MGA: variants seen among roughly 807,000 people sequenced by gnomAD.
MGA encodes MAX gene-associated protein.
In MGA, 40 loss-of-function variants were observed where a neutral mutation model predicts 261.1. That is an observed-to-expected ratio of 0.15 (90% CI 0.12 to 0.20). The LOEUF is 0.20. MGA is among the 10% of genes least tolerant of loss of function. The pLI is 1.00. For synonymous variants in MGA, 1,302 were observed against 1,290.6 expected, an observed-to-expected ratio of 1.01 and a Z score of -0.19; for missense variants, 3,397 against 3,630.5, an observed-to-expected ratio of 0.94 and a Z score of 1.65.
intron 17 of MGA, among the ~76,000 whole-genome samples, chr15:41,753,801 TAAGA>T (rs1414207664): frequency 6.6e-6 from 1 of 152,260 alleles, no homozygotes; most frequent in African/African-American, 2.4e-5. Context: ...TATTTAATCT[TAAGA>T]TTTATGAAAC....
At chr15:41,657,147 T>C (rs980515541), upstream of MGA, among the ~76,000 whole-genome samples, 4 of 152,156 alleles carry the variant, frequency 2.6e-5, no homozygotes, top group African/African-American at 9.7e-5. Flanking sequence ...CTTGCCATTT[T>C]TAATTCCTTA....
chr15:41,760,971 A>G (rs559403586), intron 20 of MGA, among the ~76,000 whole-genome samples: 28 of 152,318 alleles, frequency 1.8e-4, no homozygotes, highest in Admixed American at 1.4e-3. Context: ...GGGTTTCTCT[A>G]TGTTGGTCAG....
intron 20 of MGA, among the ~76,000 whole-genome samples, chr15:41,761,466 TTTG>T (rs1299284585): frequency 6.6e-5 from 10 of 152,194 alleles, no homozygotes; most frequent in Admixed American, 5.9e-4. Flanking sequence ...GCACAGGTGT[TTTG>T]TATCTCCTCG....
chr15:41,729,464 A>G (rs2061400354), intron 11 of MGA, 115 bp downstream of exon 11: 5 of 960,110 alleles, frequency 5.2e-6, no homozygotes, highest in Non-Finnish European at 7.7e-6. Flanking sequence ...GTCATACATG[A>G]CATGTATAAC....
chr15:41,634,606 C>G (rs1262805222), intron 1 of MGA, among the ~76,000 whole-genome samples: 2 of 152,174 alleles, frequency 1.3e-5, no homozygotes, highest in South Asian at 2.1e-4. Flanking sequence ...TTTCCTTCCC[C>G]TTACTGAGGT....
At chr15:41,751,457 C>T (rs1025944615) in intron 17 of MGA, 6 of 152,186 alleles carry the variant, frequency 3.9e-5, no homozygotes, top group African/African-American at 1.4e-4. Context: ...GGTGCGGTGG[C>T]TCACACCCAT....
intron 1 of MGA, among the ~76,000 whole-genome samples, chr15:41,621,895 G>C (rs781520873): frequency 6.6e-6 from 1 of 152,170 alleles, no homozygotes; most frequent in Admixed American, 6.6e-5. Context: ...GCGGCTTTTC[G>C]TGGCGTCCTG....
intron 13 of MGA, chr15:41,739,997 G>A (rs1414076101): frequency 6.2e-7 from 1 of 1,613,716 alleles, no homozygotes; most frequent in Admixed American, 1.7e-5. Context: ...TATATCACAG[G>A]CAGGTTGCGA....
At chr15:41,700,840 G>A (rs2059814752) in intron 5 of MGA, among the ~76,000 whole-genome samples, 1 of 152,080 alleles carries the variant, frequency 6.6e-6, no homozygotes. Context: ...TTTTCAGAAG[G>A]GTGTCTAGAC....
At chr15:41,746,477 G>A (rs988536387) in intron 15 of MGA, among the ~76,000 whole-genome samples, 8 of 150,448 alleles carry the variant, frequency 5.3e-5, no homozygotes, top group South Asian at 2.1e-4. Context: ...CCCGGGAGGC[G>A]GAGGTTTCAG....
In MGA at chr15:41,750,487, G is replaced by A. The variant is rs202145862; in HGVS notation, c.6880G>A (p.Ala2294Thr). ...AGAGAAGAAGGGTGGGAGAAGCAGT[G>A]CTGACTTCACTGTTTTGGATTTGGA... is the stretch of plus-strand genomic sequence containing the variant. The change falls in exon 17 of 24, where the codon GCT (alanine) becomes ACT (threonine). Residue 2294 changes from alanine (A) to threonine (T), a missense_variant. Physicochemically the swap from Ala to Thr is moderately conservative, Grantham distance 58. This residue lies in a region of MGA where 1,410 missense variants were observed against 1,386.4 expected (regional missense o/e 1.02). Transcript: ENST00000219905. 1 of 1,613,922 alleles carries A rather than the reference G, an allele frequency of 6.2e-7. No homozygotes were observed. The highest frequency in any genetic ancestry group is 1.3e-5 in the African/African-American group (1 of 75,046).
chr15:41,757,403 T>C (rs1399743374), intron 18 of MGA, among the ~76,000 whole-genome samples: 3 of 152,174 alleles, frequency 2.0e-5, no homozygotes, highest in African/African-American at 7.2e-5. Flanking sequence ...TTATAAGTAA[T>C]GTAGGGATGA....
In MGA at chr15:41,750,254, A is replaced by G; in HGVS notation, c.6647A>G (p.Gln2216Arg). The change falls in exon 17 of 24, where the codon CAG (glutamine) becomes CGG (arginine). Residue 2216 changes from glutamine (Q) to arginine (R), a missense_variant. Coordinates refer to ENST00000219905, the MANE Select transcript of MGA (RefSeq NM_001164273.2). ...TGTCAGGAAAATTCAGATGTGTTTC[A>G]GCAAGAACAAGGCATCTCTGACTTA... is the stretch of plus-strand genomic sequence containing the variant. 1 of 1,614,000 alleles carries G rather than the reference A, an allele frequency of 6.2e-7. No homozygotes were observed. The highest frequency in any genetic ancestry group is 2.2e-5 in the East Asian group (1 of 44,886).
chr15:41,751,211 A>AT (rs2062812251), intron 17 of MGA: 1 of 151,706 alleles, frequency 6.6e-6, no homozygotes. Context: ...TATTTTTATT[A>AT]TTTTCCTGAA....
chr15:41,757,917 G>A (rs768680524), intron 19 of MGA, 78 bp downstream of exon 19: 3 of 1,264,766 alleles, frequency 2.4e-6, no homozygotes, highest in Non-Finnish European at 2.3e-6. Flanking sequence ...AACAACATTA[G>A]CTATATTAGC....
chr15:41,766,110 T>C lies in MGA; in HGVS notation c.8028T>C (p.Pro2676=), dbSNP rs375144341. 6.8e-6 allele frequency: 11 copies of C among 1,614,050 alleles called. No individual in the cohort carries two copies. The African/African-American group carries it at 1.5e-4, about 22-fold the overall frequency. ...GCAGCAAATATCCTCATGAAGTTCC[T>C]GATAGCAAGCCATCTGACCATCTGA... The change falls in exon 24 of 24, where the codon CCT becomes CCC. Residue 2676 remains proline (P), a synonymous_variant. Coordinates refer to ENST00000219905, the MANE Select transcript of MGA (RefSeq NM_001164273.2).
At position 41,669,845 on chromosome 15, in the gene MGA, A is replaced by G; in HGVS notation, c.951A>G (p.Ser317=). The change falls in exon 2 of 24, where the codon TCA becomes TCG. Residue 317 remains serine, a synonymous_variant. Transcript: ENST00000219905. Reference sequence around the variant, plus strand: ...CTTTGTCAAGGGGTCATGAAACATCAGGCAAGGGTTTGGAGAAGACTTCCC... The same window carrying G: ...CTTTGTCAAGGGGTCATGAAACATCGGGCAAGGGTTTGGAGAAGACTTCCC... 6.2e-7 allele frequency: 1 copy of G among 1,614,026 alleles called. No homozygotes were observed. Among genetic ancestry groups the G allele is most frequent in the Non-Finnish European group, 8.5e-7 (1 of 1,179,880 alleles).
At chr15:41,686,835 A>T (rs8043069) in intron 2 of MGA, among the ~76,000 whole-genome samples, 1 of 151,968 alleles carries the variant, frequency 6.6e-6, no homozygotes, top group Non-Finnish European at 1.5e-5. Context: ...TTACCTGGCC[A>T]TGATGATATC....
In MGA at chr15:41,660,517, C is replaced by G. The variant is rs960022119; in HGVS notation, c.-76C>G. On this transcript the variant is annotated 5_prime_UTR_variant, in exon 1 of 24. Coordinates refer to ENST00000219905, the MANE Select transcript of MGA (RefSeq NM_001164273.2). ...AGGACTCCGGGTGAGGCCGGCCACG[C>G]CCCGCACGGTAACTCTCGGGCCTGG... 1 of 153,078 alleles carries G rather than the reference C, an allele frequency of 6.5e-6. No individual in the cohort carries two copies. The highest frequency in any genetic ancestry group is 1.5e-5 in the Non-Finnish European group (1 of 68,398). 9.5% of individuals were successfully genotyped at this position (153,078 alleles called of 1,614,324 possible). A position where few individuals can be genotyped will look rare whatever the true frequency, so the allele number is the denominator to read the frequency against.
Sources: gnomAD v4.1 joint callset for allele counts (sites outside exome capture counted in the v4.1 genomes callset) on GRCh38, gnomAD v4.1.1 for gene constraint, gnomAD v4.1.1 regional missense constraint, MANE v1.5 for transcripts, NCBI Gene and HGNC (gene_info 2026-07-23, HGNC 2026-07-21) for gene names.